The following RAB28 variants were observed in gnomAD, a reference collection of about 807,000 sequenced individuals.
The protein encoded by RAB28 is ras-related protein Rab-28.
A neutral mutation model predicts 31.7 loss-of-function variants in RAB28; 24 were observed. That is an observed-to-expected ratio of 0.76 (90% CI 0.55 to 1.06). The LOEUF is 1.06. Among genes scored for constraint, RAB28 ranks in the 50% least tolerant of loss-of-function variants. The pLI is 0.00. For synonymous variants in RAB28, 100 were observed against 90.4 expected (o/e 1.11, Z -0.60); for missense variants, 254 against 258.5 (o/e 0.98, Z 0.12).
At chr4:13,458,972 A>C (rs1055934053) in intron 4 of RAB28, among the ~76,000 whole-genome samples, 1 of 152,202 alleles carries the variant, frequency 6.6e-6, no homozygotes, top group Non-Finnish European at 1.5e-5. Flanking sequence ...GGAGATTAAC[A>C]TTTGAGTCAG....
At chr4:13,468,554 T>C (rs1039207513) in intron 3 of RAB28, among the ~76,000 whole-genome samples, 5 of 151,596 alleles carry the variant, frequency 3.3e-5, no homozygotes, top group African/African-American at 1.2e-4. Flanking sequence ...CTACCAAAAC[T>C]TGTGGAATAC....
intron 4 of RAB28, among the ~76,000 whole-genome samples, chr4:13,385,075 G>C (rs1729305265): frequency 1.3e-5 from 2 of 152,146 alleles, no homozygotes; most frequent in Non-Finnish European, 2.9e-5. Flanking sequence ...ACTATTAATA[G>C]CAGAATAGAT....
At chr4:13,373,195 T>TA (rs1246753096) in intron 6 of RAB28, among the ~76,000 whole-genome samples, 3 of 152,130 alleles carry the variant, frequency 2.0e-5, no homozygotes, top group Non-Finnish European at 4.4e-5. Flanking sequence ...AATGCATTCT[T>TA]AAAGAGCCGA....
intron 4 of RAB28, among the ~76,000 whole-genome samples, chr4:13,431,423 G>A (rs1713799546): frequency 6.6e-6 from 1 of 152,032 alleles, no homozygotes; most frequent in Non-Finnish European, 1.5e-5. Flanking sequence ...ACCCCATCAG[G>A]GTGGGCACAT....
intron 4 of RAB28, among the ~76,000 whole-genome samples, chr4:13,444,690 A>G (rs1465839938): frequency 1.3e-5 from 2 of 152,254 alleles, no homozygotes; most frequent in Non-Finnish European, 2.9e-5. Flanking sequence ...GATAACAGCC[A>G]TCTAAGAAGT....
rs1715504596 is a variant in RAB28 at position 13,459,979 on chromosome 4, T to G, written c.391+720A>C. 3 of 1,142,010 alleles carry G rather than the reference T, an allele frequency of 2.6e-6. No individual in the cohort carries two copies. In the Admixed American group the frequency reaches 6.9e-5, roughly 26 times the overall value. 70.7% of individuals were successfully genotyped at this position (1,142,010 alleles called of 1,614,324 possible). On this transcript the variant is annotated intron_variant, in intron 4 of 6. Transcript: ENST00000330852. ...GAACTAAACTTACCTTCACAGGAAT[T>G]GACCAAAGCAGCGGAGCAGTTATAA...
intron 4 of RAB28, among the ~76,000 whole-genome samples, chr4:13,424,039 CATTCT>C (rs1038711517): frequency 2.0e-5 from 3 of 151,838 alleles, no homozygotes; most frequent in African/African-American, 7.3e-5. Context: ...AGGCTAAAAA[CATTCT>C]ATTCATCGGC....
At chr4:13,484,017 G>A (rs1347348973) in intron 1 of RAB28, 59 bp downstream of exon 1, 8 of 1,488,582 alleles carry the variant, frequency 5.4e-6, no homozygotes, top group Non-Finnish European at 7.3e-6. Flanking sequence ...GCGGGGAGGA[G>A]GCCGGGGACC....
intron 4 of RAB28, among the ~76,000 whole-genome samples, chr4:13,402,468 AC>A (rs1711825217): frequency 6.6e-6 from 1 of 152,148 alleles, no homozygotes; most frequent in African/African-American, 2.4e-5. Context: ...CTTTTTGTGA[AC>A]TGACCCTTTG....
rs145989492 is a variant in RAB28, at chr4:13,443,243, G to A, written c.391+17456C>T. ...GGCTGGAGTGCAGTGGCACGATCTCGGCTCACTGCAACCTCCACCTCCTGA... is the reference window on the plus strand; with the variant it reads ...GGCTGGAGTGCAGTGGCACGATCTCAGCTCACTGCAACCTCCACCTCCTGA... On this transcript the variant is annotated intron_variant, in intron 4 of 6. Coordinates refer to ENST00000330852, the MANE Select transcript of RAB28 (RefSeq NM_001017979.3). Among the ~76,000 whole-genome samples, 335 of 151,338 alleles carry A rather than the reference G, an allele frequency of 2.2e-3. 1 individual carries two copies. The highest frequency in any genetic ancestry group is 7.4e-3 in the African/African-American group (304 of 41,252).
intron 3 of RAB28, 157 bp downstream of exon 3, chr4:13,474,161 A>G: frequency 1.3e-6 from 1 of 753,978 alleles, no homozygotes; most frequent in Non-Finnish European, 2.4e-6. Context: ...GGAGAGCATG[A>G]AACCAAAGAA....
At chr4:13,474,614 C>G (rs1716267867) in intron 2 of RAB28, among the ~76,000 whole-genome samples, 1 of 151,378 alleles carries the variant, frequency 6.6e-6, no homozygotes, top group Admixed American at 6.6e-5. Flanking sequence ...TCTTTTTACT[C>G]CATTTCCATG....
At chr4:13,463,328 A>T (rs904734358) in intron 3 of RAB28, among the ~76,000 whole-genome samples, 2 of 152,200 alleles carry the variant, frequency 1.3e-5, no homozygotes, top group African/African-American at 4.8e-5. Flanking sequence ...TCAGTACAGG[A>T]TGAGAGATAT....
rs539041132 is a variant in RAB28 at position 13,395,176 on chromosome 4, T to C, written c.392-13582A>G. On this transcript the variant is annotated intron_variant, in intron 4 of 6. Coordinates refer to ENST00000330852, the MANE Select transcript of RAB28 (RefSeq NM_001017979.3). ...TAAAACAATAAAGACAAACTTTAAA[T>C]AATCACTACTTTAAAAATACGCACT... Among the ~76,000 whole-genome samples, 13 of 152,318 alleles carry C rather than the reference T, an allele frequency of 8.5e-5. No individual in the cohort carries two copies. The South Asian group carries it at 2.5e-3, about 29-fold the overall frequency.
intron 4 of RAB28, among the ~76,000 whole-genome samples, chr4:13,424,176 A>G (rs1713342873): frequency 6.6e-6 from 1 of 152,222 alleles, no homozygotes; most frequent in Non-Finnish European, 1.5e-5. Context: ...TCAAGACTAT[A>G]TTTCGTAAAG....
intron 4 of RAB28, among the ~76,000 whole-genome samples, chr4:13,450,832 C>G (rs1334348938): frequency 1.3e-5 from 2 of 151,422 alleles, no homozygotes; most frequent in Admixed American, 6.6e-5. Flanking sequence ...ATAGGAAATT[C>G]TAAGTATGAT....
At chr4:13,415,211 T>C (rs1268834448) in intron 4 of RAB28, among the ~76,000 whole-genome samples, 1 of 152,184 alleles carries the variant, frequency 6.6e-6, no homozygotes, top group African/African-American at 2.4e-5. Context: ...GCTGAAAATA[T>C]GTAAGTAGTA....
At chr4:13,464,165 C>G (rs1715730051) in intron 3 of RAB28, among the ~76,000 whole-genome samples, 1 of 152,028 alleles carries the variant, frequency 6.6e-6, no homozygotes. Flanking sequence ...TAGGGGCCCC[C>G]TCAGTCTTAG....
At position 13,398,605 on chromosome 4, in the gene RAB28, C is replaced by T. The variant is rs564772519; in HGVS notation, c.392-17011G>A. On this transcript the variant is annotated intron_variant, in intron 4 of 6. Transcript: ENST00000330852. ...CATCCTGGCTAACACGGCGAAACCC[C>T]ATCTCTACTAAAAATATAAAAAATT... Among the ~76,000 whole-genome samples, 3 of 152,042 alleles carry T rather than the reference C, an allele frequency of 2.0e-5. No homozygotes were observed. In the East Asian group the frequency reaches 5.8e-4, roughly 30 times the overall value.
Sources: allele counts gnomAD v4.1 joint callset (sites outside exome capture counted in the v4.1 genomes callset), GRCh38; gene constraint gnomAD v4.1.1; transcripts MANE v1.5; gene names NCBI Gene and HGNC (gene_info 2026-07-23, HGNC 2026-07-21).